Variants in MARCHF1 observed in about 807,000 individuals in gnomAD.
The protein encoded by MARCHF1 is E3 ubiquitin-protein ligase MARCHF1.
MARCHF1 carries 40 observed loss-of-function variants against 54.2 expected under a neutral mutation model. That is an observed-to-expected ratio of 0.74 (90% CI 0.57 to 0.96). The LOEUF (loss-of-function observed/expected upper bound fraction) is 0.96. MARCHF1 is among the 40% of genes least tolerant of loss of function. MARCHF1 has a pLI of 0.00. For synonymous variants in MARCHF1, 236 were observed against 236.3 expected, an observed-to-expected ratio of 1.00 and a Z score of 0.01; for missense variants, 586 against 656.5, an observed-to-expected ratio of 0.89 and a Z score of 1.17.
intron 5 of MARCHF1, among the ~76,000 whole-genome samples, chr4:163,663,757 C>CATGAA (rs1743432046): frequency 6.6e-6 from 1 of 152,062 alleles, no homozygotes; most frequent in Admixed American, 6.6e-5. Context: ...AGACTAATAT[C>CATGAA]TATAAGCTCA....
intron 3 of MARCHF1, among the ~76,000 whole-genome samples, chr4:163,929,649 A>T (rs11100531): frequency 0.21 from 31,883 of 151,170 alleles, 4,117 homozygotes; most frequent in African/African-American, 0.37. Flanking sequence ...CATTTAAGCA[A>T]ATGTAGGTAA....
At chr4:164,177,550 G>A (rs1015746522) in intron 1 of MARCHF1, among the ~76,000 whole-genome samples, 2 of 151,774 alleles carry the variant, frequency 1.3e-5, no homozygotes, top group Non-Finnish European at 1.5e-5. Flanking sequence ...TAAAACTAAG[G>A]ACAAGTTCTT....
chr4:164,207,206 A>G (rs1014936507), intron 1 of MARCHF1, among the ~76,000 whole-genome samples: 1 of 152,232 alleles, frequency 6.6e-6, no homozygotes. Context: ...TTTACAATGC[A>G]TAAAAACATT....
intron 2 of MARCHF1, among the ~76,000 whole-genome samples, chr4:164,063,621 T>C (rs920519588): frequency 6.6e-6 from 1 of 152,226 alleles, no homozygotes; most frequent in African/African-American, 2.4e-5. Context: ...CCCTATGAAG[T>C]GGGCCTAGCC....
intron 1 of MARCHF1, among the ~76,000 whole-genome samples, chr4:164,325,056 C>G (rs972078329): frequency 1.7e-4 from 26 of 151,434 alleles, no homozygotes; most frequent in Non-Finnish European, 3.1e-4. Context: ...TAAGATATTA[C>G]AAGATAAGTA....
At chr4:164,347,482 A>G (rs1040935457) in intron 1 of MARCHF1, among the ~76,000 whole-genome samples, 1 of 152,136 alleles carries the variant, frequency 6.6e-6, no homozygotes, top group Non-Finnish European at 1.5e-5. Flanking sequence ...TGTCAAATTC[A>G]ATGTTTATTT....
chr4:163,609,362 G>A (rs1741247141), intron 7 of MARCHF1, among the ~76,000 whole-genome samples: 1 of 152,058 alleles, frequency 6.6e-6, no homozygotes, highest in Admixed American at 6.6e-5. Flanking sequence ...CCAAGATTTG[G>A]AGTCATTCTT....
At chr4:164,123,108 T>C (rs1235138810) in intron 1 of MARCHF1, among the ~76,000 whole-genome samples, 1 of 152,132 alleles carries the variant, frequency 6.6e-6, no homozygotes, top group Non-Finnish European at 1.5e-5. Context: ...GCAAATTCAT[T>C]AAAGTTGTAG....
chr4:163,819,485 A>T (rs762617048), intron 4 of MARCHF1, among the ~76,000 whole-genome samples: 9 of 152,028 alleles, frequency 5.9e-5, no homozygotes, highest in Non-Finnish European at 8.8e-5. Flanking sequence ...GTAATTCCCA[A>T]ACTTAAAAAA....
intron 1 of MARCHF1, among the ~76,000 whole-genome samples, chr4:164,116,780 T>C (rs1407862186): frequency 6.6e-6 from 1 of 152,050 alleles, no homozygotes; most frequent in Non-Finnish European, 1.5e-5. Context: ...TGTGTGTGTG[T>C]ATGCATACCA....
At chr4:164,255,233 T>C (rs1041285356) in intron 1 of MARCHF1, among the ~76,000 whole-genome samples, 5 of 152,082 alleles carry the variant, frequency 3.3e-5, no homozygotes, top group African/African-American at 9.7e-5. Context: ...CGTTCTTGTA[T>C]TGCAGCTTCC....
At chr4:164,381,822 TA>T (rs987559173) in intron 1 of MARCHF1, among the ~76,000 whole-genome samples, 1 of 152,050 alleles carries the variant, frequency 6.6e-6, no homozygotes, top group African/African-American at 2.4e-5. Flanking sequence ...AAAACCCCAT[TA>T]TCATAAAAAC....
intron 4 of MARCHF1, among the ~76,000 whole-genome samples, chr4:163,702,076 G>T (rs922613630): frequency 6.6e-6 from 1 of 152,178 alleles, no homozygotes; most frequent in Non-Finnish European, 1.5e-5. Context: ...GTCATGTGCA[G>T]GCTTACAGAT....
intron 1 of MARCHF1, among the ~76,000 whole-genome samples, chr4:164,158,879 G>T (rs1291907925): frequency 2.0e-5 from 3 of 152,068 alleles, no homozygotes; most frequent in Admixed American, 6.6e-5. Context: ...GACATCTTCA[G>T]CATGAACATG....
chr4:163,963,134 GAT>G (rs1178637642), intron 3 of MARCHF1, among the ~76,000 whole-genome samples: 1 of 151,804 alleles, frequency 6.6e-6, no homozygotes, highest in East Asian at 1.9e-4. Flanking sequence ...AAATTTACAA[GAT>G]ACAACTGATT....
At chr4:163,928,715 A>C (rs1751591120) in intron 3 of MARCHF1, among the ~76,000 whole-genome samples, 1 of 152,032 alleles carries the variant, frequency 6.6e-6, no homozygotes, top group Admixed American at 6.6e-5. Context: ...GACTAAATAT[A>C]AAAAAGTAAT....
At chr4:163,946,035 A>C (rs1385007435) in intron 3 of MARCHF1, among the ~76,000 whole-genome samples, 2 of 152,116 alleles carry the variant, frequency 1.3e-5, no homozygotes, top group African/African-American at 4.8e-5. Flanking sequence ...TATAGCACCA[A>C]ATTGATGTTA....
chr4:163,832,702 T>A (rs1163232635), intron 4 of MARCHF1, among the ~76,000 whole-genome samples: 1 of 151,100 alleles, frequency 6.6e-6, no homozygotes, highest in Non-Finnish European at 1.5e-5. Flanking sequence ...ACTCGTCATT[T>A]AGCATTAGGT....
intron 1 of MARCHF1, among the ~76,000 whole-genome samples, chr4:164,261,522 C>CT (rs1170808361): frequency 1.3e-5 from 2 of 152,166 alleles, no homozygotes; most frequent in Non-Finnish European, 1.5e-5. Flanking sequence ...AATCCTAACA[C>CT]TTAAGCATAG....
Sources: gnomAD v4.1 joint callset for allele counts (sites outside exome capture counted in the v4.1 genomes callset) on GRCh38, gnomAD v4.1.1 for gene constraint, MANE v1.5 for transcripts, NCBI Gene and HGNC (gene_info 2026-07-23, HGNC 2026-07-21) for gene names.